NAALADL2: variants seen among roughly 807,000 people sequenced by gnomAD.
NAALADL2 encodes N-acetylated alpha-linked acidic dipeptidase like 2, also known as inactive N-acetylated-alpha-linked acidic dipeptidase-like protein 2.
NAALADL2 carries 76 observed loss-of-function variants against 87.2 expected under a neutral mutation model. The ratio of observed to expected loss-of-function variants is 0.87; its 90% CI spans 0.72 to 1.05. NAALADL2 has a LOEUF of 1.05. Among genes scored for constraint, NAALADL2 ranks in the 50% least tolerant of loss-of-function variants. The probability of loss-of-function intolerance (pLI) is 0.00; values close to 1 mark genes in which losing one functional copy is unlikely to be tolerated. For synonymous variants in NAALADL2, 354 were observed against 331.0 expected, an observed-to-expected ratio of 1.07 and a Z score of -0.75; for missense variants, 1,089 against 945.8, an observed-to-expected ratio of 1.15 and a Z score of -1.99.
chr3:174,801,187 TTGAC>T (rs993886092), intron 3 of NAALADL2, among the ~76,000 whole-genome samples: 3 of 152,130 alleles, frequency 2.0e-5, no homozygotes, highest in Admixed American at 6.6e-5. Context: ...ATTATATGGT[TTGAC>T]TGTGTCCCCA....
chr3:175,540,927 G>A (rs1195110202), intron 9 of NAALADL2, among the ~76,000 whole-genome samples: 1 of 152,144 alleles, frequency 6.6e-6, no homozygotes, highest in Non-Finnish European at 1.5e-5. Flanking sequence ...AATGCAGTAG[G>A]TCAGGAATTG....
intron 2 of NAALADL2, among the ~76,000 whole-genome samples, chr3:174,560,145 C>T (rs28538819): frequency 0.34 from 51,444 of 152,030 alleles, 10,836 homozygotes; most frequent in East Asian, 0.69. Flanking sequence ...TAGCCTTCAA[C>T]AGTGATACAT....
Position 175,543,221 on chromosome 3 carries a change from C to G in NAALADL2, c.1654-32820C>G, listed in dbSNP as rs370593477. Among the ~76,000 whole-genome samples the G allele has an allele frequency of 2.6e-5, 4 of 152,236 alleles. No homozygotes were observed. The East Asian group carries it at 5.8e-4, about 22-fold the overall frequency. On this transcript the variant is annotated intron_variant, in intron 9 of 13. Transcript: ENST00000454872. ...AGGTTCAAACTCCTCCCATATCTTGCAAGGCATATGTCAACATTATTGACA... is the reference window on the plus strand; with the variant it reads ...AGGTTCAAACTCCTCCCATATCTTGGAAGGCATATGTCAACATTATTGACA...
At chr3:175,730,294 G>T (rs1283584141) in intron 11 of NAALADL2, among the ~76,000 whole-genome samples, 3 of 149,812 alleles carry the variant, frequency 2.0e-5, no homozygotes, top group Admixed American at 6.7e-5. Flanking sequence ...TGAAGTCAAA[G>T]AATTACAGTT....
intron 13 of NAALADL2, among the ~76,000 whole-genome samples, chr3:175,763,236 T>C (rs1404158735): frequency 6.6e-6 from 1 of 152,168 alleles, no homozygotes; most frequent in Non-Finnish European, 1.5e-5. Flanking sequence ...GGAGTACTGT[T>C]GTAAGCATCA....
At chr3:175,648,537 A>G (rs1730330620) in intron 11 of NAALADL2, among the ~76,000 whole-genome samples, 2 of 150,702 alleles carry the variant, frequency 1.3e-5, no homozygotes, top group South Asian at 4.2e-4. Flanking sequence ...TGACTGTTGA[A>G]TTATAAAGGA....
At chr3:174,971,631 A>G (rs1743655450) in intron 1 of NAALADL2, among the ~76,000 whole-genome samples, 1 of 150,452 alleles carries the variant, frequency 6.6e-6, no homozygotes, top group South Asian at 2.1e-4. Flanking sequence ...TCCCTTTTTT[A>G]GGTGCCTTCA....
At chr3:175,764,392 A>G (rs1748412271) in intron 13 of NAALADL2, among the ~76,000 whole-genome samples, 1 of 152,114 alleles carries the variant, frequency 6.6e-6, no homozygotes, top group Admixed American at 6.5e-5. Context: ...GTATGTGTAT[A>G]TACATGTGCA....
At chr3:175,701,476 A>G (rs371648838) in intron 11 of NAALADL2, among the ~76,000 whole-genome samples, 2 of 152,232 alleles carry the variant, frequency 1.3e-5, no homozygotes, top group Admixed American at 6.5e-5. Context: ...TGGTATGCCT[A>G]TGTGTGCGTG....
intron 3 of NAALADL2, among the ~76,000 whole-genome samples, chr3:174,757,150 C>A (rs1350208602): frequency 6.6e-6 from 1 of 152,214 alleles, no homozygotes; most frequent in African/African-American, 2.4e-5. Context: ...TTAGCATCAA[C>A]TGCCTTTGCT....
chr3:175,586,206 A>G (rs946201855), intron 10 of NAALADL2, among the ~76,000 whole-genome samples: 1 of 150,822 alleles, frequency 6.6e-6, no homozygotes. Context: ...CACAGCTTGT[A>G]TACACAGAAA....
intron 9 of NAALADL2, among the ~76,000 whole-genome samples, chr3:175,509,273 C>T (rs1396722538): frequency 6.6e-6 from 1 of 152,212 alleles, no homozygotes; most frequent in African/African-American, 2.4e-5. Flanking sequence ...TAGCCATCCT[C>T]AGGTGCCCCA....
intron 11 of NAALADL2, among the ~76,000 whole-genome samples, chr3:175,717,846 T>A (rs1741559681): frequency 6.9e-6 from 1 of 145,456 alleles, no homozygotes; most frequent in Admixed American, 6.9e-5. Context: ...TCTCACTCTG[T>A]TCACCCAGGT....
At position 175,650,298 on chromosome 3, in the gene NAALADL2, C is replaced by G. The variant is rs151192751; in HGVS notation, c.1896+22912C>G. ...TATAGAGACAGAAAGCAGAGGTTGT[C>G]CAAGACTAGGTCTGGGGGACAGTGA... is the stretch of plus-strand genomic sequence containing the variant. On this transcript the variant is annotated intron_variant, in intron 11 of 13. Coordinates refer to ENST00000454872, the MANE Select transcript of NAALADL2 (RefSeq NM_207015.3). Among the ~76,000 whole-genome samples, 9 of 152,138 alleles carry G rather than the reference C, an allele frequency of 5.9e-5. No individual in the cohort carries two copies. The East Asian group carries it at 1.4e-3, about 23-fold the overall frequency.
intron 11 of NAALADL2, among the ~76,000 whole-genome samples, chr3:175,711,954 A>G (rs1740582283): frequency 6.6e-6 from 1 of 151,944 alleles, no homozygotes. Context: ...TTCATTATAG[A>G]GAAATATACA....
chr3:175,212,628 C>A (rs1741925205), intron 2 of NAALADL2, among the ~76,000 whole-genome samples: 1 of 150,864 alleles, frequency 6.6e-6, no homozygotes, highest in Non-Finnish European at 1.5e-5. Context: ...CCTTTCCTCA[C>A]TTCATCTTTT....
intron 11 of NAALADL2, among the ~76,000 whole-genome samples, chr3:175,694,985 G>A (rs969457633): frequency 2.0e-5 from 3 of 150,120 alleles, no homozygotes; most frequent in Non-Finnish European, 3.0e-5. Flanking sequence ...GAGCAGTCTC[G>A]ACTTCACTGC....
chr3:174,920,783 T>A (rs570081039), intron 1 of NAALADL2, among the ~76,000 whole-genome samples: 29 of 152,220 alleles, frequency 1.9e-4, no homozygotes, highest in Non-Finnish European at 3.7e-4. Context: ...TAATCATCTG[T>A]AGCTTTTGAT....
intron 1 of NAALADL2, among the ~76,000 whole-genome samples, chr3:175,027,412 GA>G (rs1268590975): frequency 1.3e-5 from 2 of 151,608 alleles, no homozygotes; most frequent in Admixed American, 6.6e-5. Context: ...TAACATTATA[GA>G]AAAAAACAAT....
Sources: allele counts gnomAD v4.1 joint callset (sites outside exome capture counted in the v4.1 genomes callset), GRCh38; gene constraint gnomAD v4.1.1; transcripts MANE v1.5; gene names NCBI Gene and HGNC (gene_info 2026-07-23, HGNC 2026-07-21).